Variants in TRMT11 observed in about 807,000 individuals in gnomAD.
TRMT11 encodes the protein tRNA methyltransferase 11.
In TRMT11, 53 loss-of-function variants were observed where a neutral mutation model predicts 62.8. That is an observed-to-expected ratio of 0.84 (90% CI 0.68 to 1.06). The LOEUF (loss-of-function observed/expected upper bound fraction) is 1.06. Ranked by LOEUF, TRMT11 falls within the 50% of genes least tolerant of loss-of-function variation. The pLI is 0.00. For synonymous variants in TRMT11, 188 were observed against 190.3 expected (o/e 0.99, Z 0.10); for missense variants, 556 against 553.4 (o/e 1.00, Z -0.05).
intron 21 of TRMT11, among the ~76,000 whole-genome samples, chr6:126,155,180 G>A (rs1241706931): frequency 6.6e-6 from 1 of 152,182 alleles, no homozygotes; most frequent in African/African-American, 2.4e-5. Flanking sequence ...ACAATCATAG[G>A]AGAAGTTGAA....
At chr6:126,151,855 T>TCC (rs1433790664) in intron 21 of TRMT11, among the ~76,000 whole-genome samples, 129 of 139,900 alleles carry the variant, frequency 9.2e-4, no homozygotes, top group South Asian at 2.5e-3. Flanking sequence ...TCTTTCTTTC[T>TCC]TTCTTTCTTT....
chr6:126,172,370 T>C (rs916617576), upstream of TRMT11, among the ~76,000 whole-genome samples: 1 of 152,164 alleles, frequency 6.6e-6, no homozygotes, highest in Admixed American at 6.5e-5. Flanking sequence ...ACTAATCCTG[T>C]GGGCCATCTG....
intron 21 of TRMT11, among the ~76,000 whole-genome samples, chr6:126,142,766 C>A (rs549606653): frequency 6.6e-6 from 1 of 152,162 alleles, no homozygotes; most frequent in East Asian, 1.9e-4. Flanking sequence ...GCTATATTAA[C>A]AGTGCTGAGA....
chr6:126,256,472 A>G, the TRMT11 span, among the ~76,000 whole-genome samples: 1 of 152,170 alleles, frequency 6.6e-6, no homozygotes, highest in African/African-American at 2.4e-5. Flanking sequence ...CGTCATCTAA[A>G]TCAGGTCCAA....
chr6:126,044,698 C>T (rs981952431), intron 16 of TRMT11, among the ~76,000 whole-genome samples: 1 of 152,138 alleles, frequency 6.6e-6, no homozygotes, highest in Admixed American at 6.5e-5. Flanking sequence ...AGGTTTAAGT[C>T]TGTGTACAAC....
At chr6:126,148,043 T>C (rs1002935268) in intron 21 of TRMT11, among the ~76,000 whole-genome samples, 1 of 152,104 alleles carries the variant, frequency 6.6e-6, no homozygotes. Context: ...ACTTAAAGTA[T>C]AATAATTAAA....
chr6:126,013,145 T>G, intron 11 of TRMT11, 44 bp downstream of exon 11: 1 of 1,546,898 alleles, frequency 6.5e-7, no homozygotes, highest in South Asian at 1.2e-5. Flanking sequence ...TTTCTTACAA[T>G]GTTTGCGTAT....
intron 1 of TRMT11, among the ~76,000 whole-genome samples, chr6:126,183,777 G>A (rs946135945): frequency 1.2e-4 from 16 of 137,180 alleles, no homozygotes; most frequent in Admixed American, 7.7e-5. Flanking sequence ...TAGATTAACT[G>A]TTAGCACTTA....
chr6:126,190,177 T>TA (rs2128246125), intron 1 of TRMT11, among the ~76,000 whole-genome samples: 1 of 152,300 alleles, frequency 6.6e-6, no homozygotes, highest in South Asian at 2.1e-4. Context: ...TTGTACCCAT[T>TA]AACTAGCTTC....
intron 12 of TRMT11, among the ~76,000 whole-genome samples, chr6:126,038,437 CA>C (rs72178194): frequency 1.2e-3 from 155 of 129,176 alleles, no homozygotes; most frequent in Non-Finnish European, 1.4e-3. Flanking sequence ...TGCCCTGAGG[CA>C]AAAAAAAAAA....
At chr6:126,012,703 G>A in intron 9 of TRMT11, 68 bp from the exon 10 acceptor site, 1 of 1,161,980 alleles carries the variant, frequency 8.6e-7, no homozygotes, top group African/African-American at 1.5e-5. Flanking sequence ...AAGGCAGCAT[G>A]GCTGTTTGCC....
At chr6:126,169,991 A>G (rs1192693679) in intron 21 of TRMT11, among the ~76,000 whole-genome samples, 3 of 151,894 alleles carry the variant, frequency 2.0e-5, no homozygotes, top group South Asian at 2.1e-4. Context: ...TTTATTTTAT[A>G]TAGTCTTTTT....
chr6:126,081,102 C>G (rs1777150335), intron 17 of TRMT11, among the ~76,000 whole-genome samples: 1 of 152,182 alleles, frequency 6.6e-6, no homozygotes, highest in Admixed American at 6.5e-5. Context: ...TCTCTACAGA[C>G]ATTGAATGGA....
At chr6:126,005,361 C>T (rs1037969212) in intron 7 of TRMT11, among the ~76,000 whole-genome samples, 1 of 151,916 alleles carries the variant, frequency 6.6e-6, no homozygotes, top group African/African-American at 2.4e-5. Context: ...ATCTTTTTAC[C>T]AATTAGTATG....
downstream of TRMT11, among the ~76,000 whole-genome samples, chr6:126,208,499 G>A (rs779995158): frequency 5.3e-5 from 8 of 152,164 alleles, no homozygotes; most frequent in Admixed American, 2.0e-4. Context: ...AGTGATTTAC[G>A]TGAAAACCAA....
intron 17 of TRMT11, among the ~76,000 whole-genome samples, chr6:126,093,627 A>ATTTTTTTTTTT (rs1343339966): frequency 1.3e-4 from 12 of 94,636 alleles, no homozygotes; most frequent in Admixed American, 5.9e-4. Context: ...ATATATATAT[A>ATTTTTTTTTTT]TATATTTTCC....
chr6:126,115,129 C>A (rs1158891707), intron 19 of TRMT11, among the ~76,000 whole-genome samples: 1 of 152,076 alleles, frequency 6.6e-6, no homozygotes, highest in Admixed American at 6.6e-5. Context: ...ACCCACCTTC[C>A]AGCCACCCTT....
intron 9 of TRMT11, among the ~76,000 whole-genome samples, chr6:126,012,435 A>G (rs867302180): frequency 2.0e-5 from 3 of 152,164 alleles, no homozygotes; most frequent in Non-Finnish European, 2.9e-5. Context: ...AGTTTTGTCA[A>G]CTGACTCAGT....
In TRMT11 at chr6:126,151,834, C is replaced by CTTTCTTTCTTTCTTTCTTTG. The variant is rs1562334767; in HGVS notation, c.*1824-22972_*1824-22971insGTTTCTTTCTTTCTTTCTTT. Among the ~76,000 whole-genome samples the CTTTCTTTCTTTCTTTCTTTG allele has an allele frequency of 2.8e-3, 345 of 121,260 alleles. 10 individuals are homozygous for CTTTCTTTCTTTCTTTCTTTG. Among genetic ancestry groups the CTTTCTTTCTTTCTTTCTTTG allele is most frequent in the African/African-American group, 0.011 (317 of 28,948 alleles). The allele number at this position is 121,260 out of a possible 152,430, so 79.6% of individuals were successfully genotyped here. A position where few individuals can be genotyped will look rare whatever the true frequency, so the allele number is the denominator to read the frequency against. On this transcript the variant is annotated intron_variant and NMD_transcript_variant, in intron 21 of 22. Coordinates refer to the TRMT11 transcript ENST00000648977. ...TCTTTCTTTCTTTCTTTCTTTCTTTCTTTCTTTCTTTCTTTCTTTCTTTCT... is the reference window on the plus strand; with the variant it reads ...TCTTTCTTTCTTTCTTTCTTTCTTTCTTTCTTTCTTTCTTTCTTTGTTTCTTTCTTTCTTTCTTTCTTTCT...
Sources: allele counts gnomAD v4.1 joint callset (sites outside exome capture counted in the v4.1 genomes callset), GRCh38; gene constraint gnomAD v4.1.1; transcripts MANE v1.5; gene names NCBI Gene and HGNC (gene_info 2026-07-23, HGNC 2026-07-21).